Variants in MKLN1 observed in about 807,000 individuals in gnomAD.
MKLN1 encodes muskelin.
A neutral mutation model predicts 99.0 loss-of-function variants in MKLN1; 18 were observed. The ratio of observed to expected loss-of-function variants is 0.18; its 90% confidence interval spans 0.13 to 0.27. The LOEUF is 0.27. Ranked by LOEUF, MKLN1 falls within the 10% of genes least tolerant of loss-of-function variation. The probability of loss-of-function intolerance (pLI) is 1.00; values close to 1 mark genes in which losing one functional copy is unlikely to be tolerated. For synonymous variants in MKLN1, 288 were observed against 293.2 expected (o/e 0.98, Z 0.18); for missense variants, 621 against 875.9 (o/e 0.71, Z 3.67).
In MKLN1 at chr7:131,292,179, A is replaced by G. The variant is rs145587033; in HGVS notation, c.-178-83245A>G. 9.8e-5 allele frequency among the ~76,000 whole-genome samples: 15 copies of G among 152,288 alleles called. No individual in the cohort carries two copies. In the East Asian group the frequency reaches 2.5e-3, roughly 25 times the overall value. ...AATTTGAGGCAAGTTGATCATGAAA[A>G]TGTTGTTTGTATGGTTGTATAAAAA... On this transcript the variant is annotated intron_variant, in intron 3 of 7. Transcript: ENST00000416992.
At chr7:131,114,970 G>A (rs1795253129) in intron 1 of MKLN1, among the ~76,000 whole-genome samples, 2 of 151,900 alleles carry the variant, frequency 1.3e-5, no homozygotes, top group Admixed American at 6.6e-5. Context: ...AAGAAAAAGA[G>A]GACTGAAGTT....
intron 2 of MKLN1, among the ~76,000 whole-genome samples, chr7:131,195,909 C>T (rs1472981486): frequency 6.6e-6 from 1 of 152,162 alleles, no homozygotes; most frequent in African/African-American, 2.4e-5. Context: ...CGAGATTGCA[C>T]CACTGCACTC....
rs577866370 is a variant in MKLN1, at chr7:131,322,663, C to T, written c.-178-52761C>T. On this transcript the variant is annotated intron_variant, in intron 3 of 7. Transcript: ENST00000416992. ...TCGGCTCACTGCAAGCTCCGCTTCC[C>T]GGGTTCACGCCATTCTCCTGCCTCA... 9.7e-4 allele frequency among the ~76,000 whole-genome samples: 145 copies of T among 149,612 alleles called. 1 individual carries two copies. Among genetic ancestry groups the T allele is most frequent in the African/African-American group, 3.2e-3 (130 of 40,708 alleles).
chr7:131,299,761 C>T (rs1203019298), intron 3 of MKLN1, among the ~76,000 whole-genome samples: 1 of 152,210 alleles, frequency 6.6e-6, no homozygotes, highest in Non-Finnish European at 1.5e-5. Context: ...CTTTGGCCAA[C>T]TGTTCGTTAA....
intron 10 of MKLN1, among the ~76,000 whole-genome samples, chr7:131,442,322 C>A (rs1025749867): frequency 2.6e-5 from 4 of 152,100 alleles, no homozygotes; most frequent in Admixed American, 6.5e-5. Context: ...CCGAGGCAGG[C>A]GGATCACCTG....
intron 12 of MKLN1, among the ~76,000 whole-genome samples, chr7:131,461,256 G>GTT (rs35970015): frequency 0.027 from 3,990 of 145,902 alleles, 128 homozygotes; most frequent in African/African-American, 0.084. Context: ...TTTGTTTGCG[G>GTT]TTTTTTTTTT....
Position 131,160,262 on chromosome 7 carries a change from G to T in MKLN1, c.-297+17321G>T, listed in dbSNP as rs771432793. Among the ~76,000 whole-genome samples the T allele has an allele frequency of 5.3e-4, 80 of 152,062 alleles. No homozygotes were observed. In the Middle Eastern group the frequency reaches 0.01, roughly 19 times the overall value. On this transcript the variant is annotated intron_variant, in intron 2 of 7. Transcript: ENST00000416992. ...TATCAGTCCTTCATTCCTTGTTGTG[G>T]CTGAAAAAGATTCCATTGTATGAAT... is the stretch of plus-strand genomic sequence containing the variant.
chr7:131,370,652 C>T (rs1029741467), intron 1 of MKLN1, among the ~76,000 whole-genome samples: 4 of 152,074 alleles, frequency 2.6e-5, no homozygotes, highest in African/African-American at 9.7e-5. Flanking sequence ...CACCAGGAGA[C>T]ACCCCTCAGC....
intron 3 of MKLN1, among the ~76,000 whole-genome samples, chr7:131,224,811 T>C (rs535762923): frequency 4.6e-4 from 70 of 151,856 alleles, no homozygotes; most frequent in South Asian, 2.7e-3. Context: ...CAGTGGCTCA[T>C]GCCTGTAATC....
chr7:131,384,202 A>T (rs1269619594), intron 2 of MKLN1, among the ~76,000 whole-genome samples: 1 of 148,648 alleles, frequency 6.7e-6, no homozygotes, highest in Non-Finnish European at 1.5e-5. Flanking sequence ...TCTGTGTAGT[A>T]GATTGAATGG....
At chr7:131,146,980 G>A (rs1335657518) in intron 2 of MKLN1, among the ~76,000 whole-genome samples, 1 of 152,098 alleles carries the variant, frequency 6.6e-6, no homozygotes, top group Admixed American at 6.6e-5. Flanking sequence ...TGGAAGCAAA[G>A]AACAGAAAGG....
At chr7:131,248,752 G>A (rs1797533952) in intron 3 of MKLN1, among the ~76,000 whole-genome samples, 1 of 152,170 alleles carries the variant, frequency 6.6e-6, no homozygotes, top group African/African-American at 2.4e-5. Flanking sequence ...TTAGGAAAAA[G>A]TGGATGGAAC....
At chr7:131,173,378 A>C (rs1796244710) in intron 2 of MKLN1, among the ~76,000 whole-genome samples, 1 of 152,228 alleles carries the variant, frequency 6.6e-6, no homozygotes, top group South Asian at 2.1e-4. Context: ...CAAGTGGAAG[A>C]GGGACATATC....
At chr7:131,230,108 T>TGTGTGTTAAGGGTTA (rs1797220043) in intron 3 of MKLN1, among the ~76,000 whole-genome samples, 1 of 152,236 alleles carries the variant, frequency 6.6e-6, no homozygotes, top group African/African-American at 2.4e-5. Flanking sequence ...CTGTGGTTTG[T>TGTGTGTTAAGGGTTA]AGGGTGTGAC....
chr7:131,317,764 G>GAAAAAA (rs1798697642), intron 3 of MKLN1, among the ~76,000 whole-genome samples: 3 of 20,140 alleles, frequency 1.5e-4, no homozygotes, highest in Non-Finnish European at 2.0e-4. Flanking sequence ...CAAATGGAAA[G>GAAAAAA]CAAAAAAAAA....
rs1287805830 is a variant in MKLN1, at chr7:131,487,566, T to C, written c.2087-41T>C. On this transcript the variant is annotated intron_variant, in intron 17 of 17. Coordinates refer to ENST00000352689, the MANE Select transcript of MKLN1 (RefSeq NM_013255.5). This position sits in a 1 kb window ranked among gnomAD's most constrained non-coding sequence, Gnocchi z 4.7. ...TCTCAACTAGTTTTTCTGTTACATG[T>C]TTTAAACACAATGGATGTTTCTTTG... 6.3e-7 allele frequency: 1 copy of C among 1,597,130 alleles called. No homozygotes were observed. The highest frequency in any genetic ancestry group is 1.1e-5 in the South Asian group (1 of 88,730).
intron 1 of MKLN1, among the ~76,000 whole-genome samples, chr7:131,138,700 GA>G (rs145800998): frequency 1.7e-4 from 25 of 151,142 alleles, no homozygotes; most frequent in Middle Eastern, 3.4e-3. Flanking sequence ...TGAGTGAAAT[GA>G]AAAAAAAAAT....
Position 131,490,865 on chromosome 7 carries a change from A to C in MKLN1, c.*3137A>C, listed in dbSNP as rs1361834893. The C allele has an allele frequency of 6.6e-6, 1 of 152,606 alleles. No homozygotes were observed. The highest frequency in any genetic ancestry group is 6.6e-5 in the Admixed American group (1 of 15,264). The allele number at this position is 152,606 out of a possible 1,614,324, so 9.5% of individuals were successfully genotyped here. On this transcript the variant is annotated 3_prime_UTR_variant, in exon 18 of 18. Coordinates refer to ENST00000352689, the MANE Select transcript of MKLN1 (RefSeq NM_013255.5). ...GTAGAGATACATTAACAGAGTTATAATAAAACAGTGTTTTAAAATCTAGCC... is the reference window on the plus strand; with the variant it reads ...GTAGAGATACATTAACAGAGTTATACTAAAACAGTGTTTTAAAATCTAGCC...
At chr7:131,113,667 C>CAAAA (rs71168363) in intron 1 of MKLN1, among the ~76,000 whole-genome samples, 1 of 96,502 alleles carries the variant, frequency 1.0e-5, no homozygotes. Flanking sequence ...TACAAAAATA[C>CAAAA]AAAAAAAAAA....
Sources: gnomAD v4.1 joint callset for allele counts (sites outside exome capture counted in the v4.1 genomes callset) on GRCh38, gnomAD v4.1.1 for gene constraint, Gnocchi (gnomAD v3.1) non-coding constraint, MANE v1.5 for transcripts, NCBI Gene and HGNC (gene_info 2026-07-23, HGNC 2026-07-21) for gene names.